Variants in POMC observed in about 807,000 individuals in gnomAD.
POMC encodes pro-opiomelanocortin.
A neutral mutation model predicts 18.5 loss-of-function variants in POMC; 19 were observed. The ratio of observed to expected loss-of-function variants is 1.03; its 90% confidence interval spans 0.72 to 1.51. The LOEUF (loss-of-function observed/expected upper bound fraction) is 1.51, where lower values mean the gene tolerates loss of function less well. Ranked by LOEUF, POMC falls within the 40% of genes most tolerant of loss-of-function variation. POMC has a pLI of 0.00. For synonymous variants in POMC, 179 were observed against 161.9 expected (o/e 1.11, Z -0.80); for missense variants, 451 against 379.0 (o/e 1.19, Z -1.58).
intron 2 of POMC, among the ~76,000 whole-genome samples, chr2:25,162,397 C>T (rs1361784475): frequency 6.6e-6 from 1 of 151,936 alleles, no homozygotes; most frequent in Non-Finnish European, 1.5e-5. Context: ...TTGCAGTGAG[C>T]CAAGATCACA....
chr2:25,168,308 G>C lies in POMC; in HGVS notation c.-21+190C>G, dbSNP rs1196364829. The stretch of plus-strand genomic sequence containing the variant: ...CCGTCCGCCCAGGGGCCGGACGTGG[G>C]CCCTCCAGCTCAGCTACTGGCGGCT... On this transcript the variant is annotated intron_variant, in intron 1 of 2. Transcript: ENST00000395826. The surrounding 1 kb of genome is among the most constrained non-coding windows in gnomAD (Gnocchi z 5.2). Among the ~76,000 whole-genome samples the C allele has an allele frequency of 2.0e-5, 3 of 152,228 alleles. No homozygotes were observed. Among genetic ancestry groups the C allele is most frequent in the Admixed American group, 2.0e-4 (3 of 15,292 alleles).
At chr2:25,162,971 CTG>C (rs1671442848) in intron 2 of POMC, among the ~76,000 whole-genome samples, 1 of 152,314 alleles carries the variant, frequency 6.6e-6, no homozygotes, top group Admixed American at 6.5e-5. Flanking sequence ...TCTGTGGAAC[CTG>C]TGTCTCTGCT....
rs1671632414 is a variant in POMC, at chr2:25,168,402, G to A, written c.-21+96C>T. 1 of 152,272 alleles carries A rather than the reference G, an allele frequency of 6.6e-6. No individual in the cohort carries two copies. Among genetic ancestry groups the A allele is most frequent in the Admixed American group, 6.5e-5 (1 of 15,286 alleles). 9.4% of individuals were successfully genotyped at this position (152,272 alleles called of 1,614,324 possible). ...ACCGCGGAGAGCCAGAGGCGCCCAG[G>A]TCCGCCTTCGGAGCCGGAGCCGGCC... On this transcript the variant is annotated intron_variant, in intron 1 of 2. Transcript: ENST00000395826. The surrounding 1 kb of genome is among the most constrained non-coding windows in gnomAD (Gnocchi z 5.2).
At chr2:25,163,663 G>C (rs1456570264) in intron 2 of POMC, among the ~76,000 whole-genome samples, 2 of 152,304 alleles carry the variant, frequency 1.3e-5, no homozygotes, top group African/African-American at 4.8e-5. Flanking sequence ...TTGAGACAAG[G>C]TCTCATTCTG....
chr2:25,164,683 C>G lies in POMC; in HGVS notation c.90G>C (p.Glu30Asp), dbSNP rs758258712. Reference protein sequence around the residue: ...ASMEVRGWCLESSQCQDLTTE... With the variant: ...ASMEVRGWCLDSSQCQDLTTE... Reference sequence around the variant, plus strand: ...TGGTGAGGTCCTGACACTGGCTGCTCTCCAGGCACCAGCCACGCACTTCCA... The same window carrying G: ...TGGTGAGGTCCTGACACTGGCTGCTGTCCAGGCACCAGCCACGCACTTCCA... Residue 30 changes from glutamate to aspartate, a missense_variant, in exon 2 of 3, where the codon GAG becomes GAC. By Grantham distance (45) the Glu-to-Asp change is conservative (BLOSUM62 2). Transcript: ENST00000395826. 2.5e-6 allele frequency: 4 copies of G among 1,614,096 alleles called. No homozygotes were observed. The South Asian group carries it at 4.4e-5, about 18-fold the overall frequency.
chr2:25,161,486 G>A lies in POMC; in HGVS notation c.399C>T (p.Arg133=), dbSNP rs779829904. 14 of 1,606,056 alleles carry A rather than the reference G, an allele frequency of 8.7e-6. No individual in the cohort carries two copies. The highest frequency in any genetic ancestry group is 1.3e-5 in the African/African-American group (1 of 74,818). The change falls in exon 3 of 3, where the codon CGC becomes CGT. Residue 133 remains arginine (R), a synonymous_variant. Coordinates refer to ENST00000395826, the MANE Select transcript of POMC (RefSeq NM_000939.4). This position sits in a 1 kb window ranked among gnomAD's most constrained non-coding sequence, Gnocchi z 5.7. ...PRSDGAKPGP[R]EGKRSYSMEH... ...CCATGGAGTAGGAGCGCTTGCCCTC[G>A]CGCGGGCCCGGCTTGGCACCATCGC...
In POMC at chr2:25,161,800, G is replaced by A. The variant is rs115540788; in HGVS notation, c.133-48C>T. ...GAGGGCAGCCCGTGCCCCGCACCCC[G>A]GCCCGGCTGCCGCGCCCGTCACTGC... On this transcript the variant is annotated intron_variant, in intron 2 of 2. Coordinates refer to ENST00000395826, the MANE Select transcript of POMC (RefSeq NM_000939.4). The surrounding 1 kb of genome is among the most constrained non-coding windows in gnomAD (Gnocchi z 5.7). 579 of 1,537,808 alleles carry A rather than the reference G, an allele frequency of 3.8e-4. 6 individuals are homozygous for A. In the African/African-American group the frequency reaches 6.8e-3, roughly 18 times the overall value.
intron 1 of POMC, among the ~76,000 whole-genome samples, chr2:25,165,950 G>A (rs906194287): frequency 2.0e-5 from 3 of 152,260 alleles, no homozygotes; most frequent in Admixed American, 6.5e-5. Flanking sequence ...TCACATTAAA[G>A]CGTGGATGAC....
At chr2:25,163,594 G>A (rs554871219) in intron 2 of POMC, among the ~76,000 whole-genome samples, 3 of 152,236 alleles carry the variant, frequency 2.0e-5, no homozygotes, top group Non-Finnish European at 2.9e-5. Flanking sequence ...TTAAAATTCC[G>A]GTCACTGACA....
rs541555617 is a variant in POMC, at chr2:25,161,163, A to G, written c.722T>C (p.Met241Thr). 1.1e-5 allele frequency: 18 copies of G among 1,613,766 alleles called. No homozygotes were observed. Among genetic ancestry groups the G allele is most frequent in the South Asian group, 1.1e-4 (10 of 91,072 alleles). Residue 241 changes from methionine (M) to threonine (T), a missense_variant, in exon 3 of 3, where the codon ATG becomes ACG. Met to Thr is a moderately conservative substitution (Grantham distance 81). Coordinates refer to ENST00000395826, the MANE Select transcript of POMC (RefSeq NM_000939.4). The surrounding 1 kb of genome is among the most constrained non-coding windows in gnomAD (Gnocchi z 5.7). ...PPKDKRYGGF[M>T]TSEKSQTPLV... Reference sequence around the variant, plus strand: ...GGGCGTCTGGCTCTTCTCGGAGGTCATGAAACCGCCGTAGCGCTTGTCCTT... The same window carrying G: ...GGGCGTCTGGCTCTTCTCGGAGGTCGTGAAACCGCCGTAGCGCTTGTCCTT...
At chr2:25,167,201 T>A (rs1671585083) in intron 1 of POMC, among the ~76,000 whole-genome samples, 1 of 151,914 alleles carries the variant, frequency 6.6e-6, no homozygotes, top group Admixed American at 6.6e-5. Context: ...ATGCATCGAG[T>A]CCTATAACAA....
Position 25,161,893 on chromosome 2 carries a change from C to T in POMC, c.133-141G>A. The stretch of plus-strand genomic sequence containing the variant: ...GCACAGTGTCGGGCGTGTCAAGCGT[C>T]GAGGCCTCCCTACAGAGCAGGTCTG... On this transcript the variant is annotated intron_variant, in intron 2 of 2. Coordinates refer to ENST00000395826, the MANE Select transcript of POMC (RefSeq NM_000939.4). This position sits in a 1 kb window ranked among gnomAD's most constrained non-coding sequence, Gnocchi z 5.7. 1.4e-6 allele frequency: 2 copies of T among 1,385,294 alleles called. No homozygotes were observed. Among genetic ancestry groups the T allele is most frequent in the South Asian group, 1.5e-5 (1 of 66,096 alleles). The allele number at this position is 1,385,294 out of a possible 1,614,324, so 85.8% of individuals were successfully genotyped here.
Position 25,161,685 on chromosome 2 carries a change from T to C in POMC, c.200A>G (p.Glu67Gly). The C allele has an allele frequency of 6.3e-6, 10 of 1,576,524 alleles. No individual in the cohort carries two copies. The highest frequency in any genetic ancestry group is 8.6e-6 in the Non-Finnish European group (10 of 1,162,214). ...ETPMFPGNGD[E>G]QPLTENPRKY... The stretch of plus-strand genomic sequence containing the variant: ...CCGGGGGTTCTCGGTCAGAGGCTGC[T>C]CGTCGCCATTTCCCGGGAACATGGG... The change falls in exon 3 of 3, where the codon GAG becomes GGG. Residue 67 changes from glutamate to glycine, a missense_variant. Glu to Gly is a moderately conservative substitution (Grantham distance 98). Transcript: ENST00000395826. The surrounding 1 kb of genome is among the most constrained non-coding windows in gnomAD (Gnocchi z 5.7).
At chr2:25,163,314 C>G (rs1488762568) in intron 2 of POMC, among the ~76,000 whole-genome samples, 6 of 152,210 alleles carry the variant, frequency 3.9e-5, no homozygotes, top group Non-Finnish European at 5.9e-5. Flanking sequence ...GGGTCTAGAA[C>G]CCATGGGTCC....
intron 1 of POMC, chr2:25,165,493 C>T (rs943365319): frequency 2.6e-5 from 4 of 152,278 alleles, no homozygotes. Flanking sequence ...TAAAGCAGAT[C>T]TCAGTTCTTT....
At chr2:25,167,042 C>A (rs143775325) in intron 1 of POMC, among the ~76,000 whole-genome samples, 8 of 152,146 alleles carry the variant, frequency 5.3e-5, no homozygotes, top group Non-Finnish European at 1.0e-4. Context: ...AGTAGAACTA[C>A]ACTTATTAGA....
At chr2:25,162,101 G>T (rs1224657783) in intron 2 of POMC, among the ~76,000 whole-genome samples, 1 of 152,186 alleles carries the variant, frequency 6.6e-6, no homozygotes, top group Non-Finnish European at 1.5e-5. Flanking sequence ...TTATATGCCT[G>T]ACATAAAGGA....
rs1165034224 is a variant in POMC at position 25,161,058 on chromosome 2, A to G, written c.*23T>C. 1.2e-6 allele frequency: 2 copies of G among 1,613,802 alleles called. No homozygotes were observed. Among genetic ancestry groups the G allele is most frequent in the Non-Finnish European group, 1.7e-6 (2 of 1,179,988 alleles). ...TGGGGTCGACCTCCTGGGGGAGGGT[A>G]GCCCTGGGGCCCCGCTGTGCCCTCA... On this transcript the variant is annotated 3_prime_UTR_variant, in exon 3 of 3. Transcript: ENST00000395826. This position sits in a 1 kb window ranked among gnomAD's most constrained non-coding sequence, Gnocchi z 5.7.
At chr2:25,162,055 C>T (rs959474511) in intron 2 of POMC, among the ~76,000 whole-genome samples, 7 of 152,334 alleles carry the variant, frequency 4.6e-5, no homozygotes, top group African/African-American at 1.4e-4. Context: ...CATCTAGCCA[C>T]CCCTAGCTTT....
Sources: gnomAD v4.1 joint callset for allele counts (sites outside exome capture counted in the v4.1 genomes callset) on GRCh38, gnomAD v4.1.1 for gene constraint, Gnocchi (gnomAD v3.1) non-coding constraint, MANE v1.5 for transcripts, NCBI Gene and HGNC (gene_info 2026-07-23, HGNC 2026-07-21) for gene names.